Variants in DNER observed in about 807,000 individuals in gnomAD.
DNER encodes delta/notch like EGF repeat containing.
A neutral mutation model predicts 78.2 loss-of-function variants in DNER; 33 were observed. That is an observed-to-expected ratio of 0.42 (90% CI 0.32 to 0.56). The LOEUF (loss-of-function observed/expected upper bound fraction) is 0.56, where lower values mean the gene tolerates loss of function less well. Ranked by LOEUF, DNER falls within the 20% of genes least tolerant of loss-of-function variation. The pLI, the probability that DNER is intolerant of heterozygous loss-of-function variation, is 0.11. For synonymous variants in DNER, 417 were observed against 384.8 expected, an observed-to-expected ratio of 1.08 and a Z score of -0.98; for missense variants, 918 against 975.3, an observed-to-expected ratio of 0.94 and a Z score of 0.78.
chr2:229,558,855 C>G (rs1559166564), intron 4 of DNER, among the ~76,000 whole-genome samples: 1 of 152,154 alleles, frequency 6.6e-6, no homozygotes, highest in East Asian at 1.9e-4. Context: ...TCACCAGTGT[C>G]TTAGCTGAGG....
chr2:229,421,290 G>A (rs1007469774), intron 8 of DNER, among the ~76,000 whole-genome samples: 1 of 152,070 alleles, frequency 6.6e-6, no homozygotes, highest in African/African-American at 2.4e-5. Flanking sequence ...AAAATGGAGA[G>A]CTGCTATTTA....
chr2:229,579,111 C>T (rs1238200013), intron 4 of DNER, among the ~76,000 whole-genome samples: 2 of 152,144 alleles, frequency 1.3e-5, no homozygotes, highest in Admixed American at 1.3e-4. Context: ...TCTTAAATAG[C>T]ACAGACTACT....
At chr2:229,501,592 CCTT>C (rs1695625617) in intron 6 of DNER, among the ~76,000 whole-genome samples, 1 of 152,030 alleles carries the variant, frequency 6.6e-6, no homozygotes, top group South Asian at 2.1e-4. Context: ...AGACAACAAT[CCTT>C]CTGTGAAGAG....
At chr2:229,543,959 G>A (rs762660698) in intron 5 of DNER, among the ~76,000 whole-genome samples, 10 of 151,546 alleles carry the variant, frequency 6.6e-5, no homozygotes, top group African/African-American at 9.7e-5. Flanking sequence ...TAGCAGCATC[G>A]ACCATCATCT....
intron 10 of DNER, among the ~76,000 whole-genome samples, chr2:229,406,592 G>C (rs1469379310): frequency 6.6e-6 from 1 of 152,140 alleles, no homozygotes; most frequent in African/African-American, 2.4e-5. Flanking sequence ...AAACATTTGA[G>C]AGGCTACGCT....
intron 2 of DNER, among the ~76,000 whole-genome samples, chr2:229,589,251 T>C (rs1038601109): frequency 7.2e-5 from 11 of 152,202 alleles, no homozygotes; most frequent in African/African-American, 2.7e-4. Context: ...ATTAAAAGTA[T>C]TCATCATCAC....
intron 1 of DNER, among the ~76,000 whole-genome samples, chr2:229,617,411 T>G (rs947092583): frequency 6.6e-5 from 10 of 152,222 alleles, no homozygotes; most frequent in Non-Finnish European, 1.3e-4. Context: ...CAATGAAATA[T>G]TAATTATAAT....
At chr2:229,573,513 C>G (rs1296152586) in intron 4 of DNER, among the ~76,000 whole-genome samples, 1 of 152,176 alleles carries the variant, frequency 6.6e-6, no homozygotes, top group Admixed American at 6.5e-5. Context: ...ATGATCATCT[C>G]TAACACCTCT....
chr2:229,709,011 T>G (rs1239055138), intron 1 of DNER, among the ~76,000 whole-genome samples: 1 of 152,222 alleles, frequency 6.6e-6, no homozygotes, highest in Non-Finnish European at 1.5e-5. Flanking sequence ...ATAAAAAGTT[T>G]AATACAATTA....
intron 6 of DNER, among the ~76,000 whole-genome samples, chr2:229,496,474 G>A (rs75694758): frequency 0.12 from 18,966 of 152,132 alleles, 1,326 homozygotes; most frequent in South Asian, 0.2. Flanking sequence ...TATTTTGAAT[G>A]TACATGGATT....
At chr2:229,530,945 C>G (rs568012440) in intron 5 of DNER, among the ~76,000 whole-genome samples, 1 of 152,180 alleles carries the variant, frequency 6.6e-6, no homozygotes, top group Admixed American at 6.5e-5. Context: ...GAAACCCATA[C>G]GAGCATTCAT....
chr2:229,387,505 A>AG (rs1559337842), intron 11 of DNER, among the ~76,000 whole-genome samples: 3 of 87,190 alleles, frequency 3.4e-5, no homozygotes, highest in East Asian at 1.1e-3. Context: ...GAAAGAAAGA[A>AG]AGAGAGAAAG....
At chr2:229,453,071 C>T (rs557585942) in intron 7 of DNER, among the ~76,000 whole-genome samples, 92 of 152,310 alleles carry the variant, frequency 6.0e-4, no homozygotes, top group South Asian at 1.7e-3. Flanking sequence ...ACCATCTCAG[C>T]CCACTAAACT....
intron 9 of DNER, among the ~76,000 whole-genome samples, chr2:229,416,595 C>T (rs1260283906): frequency 6.6e-6 from 1 of 152,170 alleles, no homozygotes; most frequent in African/African-American, 2.4e-5. Context: ...CAGTACACCC[C>T]TCTGCCTCCT....
At chr2:229,416,568 G>T (rs1341021909) in intron 9 of DNER, among the ~76,000 whole-genome samples, 1 of 152,168 alleles carries the variant, frequency 6.6e-6, no homozygotes, top group Non-Finnish European at 1.5e-5. Flanking sequence ...TTAGACAGCA[G>T]CCCGTAGCCA....
intron 1 of DNER, among the ~76,000 whole-genome samples, chr2:229,648,087 C>A (rs1698752025): frequency 6.6e-6 from 1 of 152,100 alleles, no homozygotes. Context: ...AGGAGCCAGC[C>A]ACAGTTAGAA....
At chr2:229,711,713 A>G (rs937512701) in intron 1 of DNER, among the ~76,000 whole-genome samples, 1 of 152,228 alleles carries the variant, frequency 6.6e-6, no homozygotes, top group Non-Finnish European at 1.5e-5. Flanking sequence ...TCCTCTTTAC[A>G]TCCAGGTAAA....
At chr2:229,513,939 T>C (rs1482364867) in intron 5 of DNER, among the ~76,000 whole-genome samples, 2 of 146,918 alleles carry the variant, frequency 1.4e-5, no homozygotes, top group African/African-American at 5.4e-5. Context: ...AAAGAGACTC[T>C]CTCCTCTTCT....
chr2:229,532,054 T>A (rs1696313717), intron 5 of DNER, among the ~76,000 whole-genome samples: 1 of 152,118 alleles, frequency 6.6e-6, no homozygotes, highest in Non-Finnish European at 1.5e-5. Context: ...TTGGGGGTGA[T>A]GAGAATGTTT....
Sources: allele counts gnomAD v4.1 joint callset (sites outside exome capture counted in the v4.1 genomes callset), GRCh38; gene constraint gnomAD v4.1.1; transcripts MANE v1.5; gene names NCBI Gene and HGNC (gene_info 2026-07-23, HGNC 2026-07-21).